Variants in EXOC6B observed in about 807,000 individuals in gnomAD.
EXOC6B encodes SEC15 homolog B.
In EXOC6B, 54 loss-of-function variants were observed where a neutral mutation model predicts 113.5. The ratio of observed to expected loss-of-function variants is 0.48; its 90% CI spans 0.38 to 0.60. The LOEUF is 0.60. Among genes scored for constraint, EXOC6B ranks in the 20% least tolerant of loss-of-function variants. The pLI is 0.00. For missense variants in EXOC6B, 797 were observed against 977.5 expected (o/e 0.82, Z 2.46); for synonymous variants, 357 against 339.0 (o/e 1.05, Z -0.58).
intron 1 of EXOC6B, among the ~76,000 whole-genome samples, chr2:72,810,895 A>G (rs1685875750): frequency 6.6e-6 from 1 of 152,102 alleles, no homozygotes; most frequent in Non-Finnish European, 1.5e-5. Context: ...CAAAAAGTAC[A>G]AAAAGTGGTG....
In EXOC6B at chr2:72,184,067, G is replaced by C. The variant is rs189615828; in HGVS notation, c.2309+8C>G. The C allele has an allele frequency of 2.4e-3, 3,544 of 1,483,166 alleles. 8 individuals carry two copies. Among genetic ancestry groups the C allele is most frequent in the Non-Finnish European group, 3.0e-3 (3,268 of 1,082,356 alleles). The allele number at this position is 1,483,166 out of a possible 1,614,324, so 91.9% of individuals were successfully genotyped here. Reference sequence around the variant, plus strand: ...CTCCCAACACAGACCATTGGACAAGGTACTCACTTCTCAAGCAGGGTCAGA... The same window carrying C: ...CTCCCAACACAGACCATTGGACAAGCTACTCACTTCTCAAGCAGGGTCAGA... On this transcript the variant is annotated splice_region_variant and intron_variant, in intron 21 of 21. Transcript: ENST00000272427.
chr2:72,403,603 A>C (rs2105181729), intron 18 of EXOC6B, among the ~76,000 whole-genome samples: 1 of 152,294 alleles, frequency 6.6e-6, no homozygotes, highest in East Asian at 1.9e-4. Context: ...CTGAGGTGGG[A>C]GGATGGCTTG....
Position 72,465,179 on chromosome 2 carries a change from G to A in EXOC6B, c.1961C>T (p.Ala654Val). 6.2e-7 allele frequency: 1 copy of A among 1,611,356 alleles called. No homozygotes were observed. Among genetic ancestry groups the A allele is most frequent in the Non-Finnish European group, 8.5e-7 (1 of 1,178,772 alleles). Reference sequence around the variant, plus strand: ...ACTTACAGGAAGGTGTGTGAATACAGCAAAGGTGCTACGAAGAAAGGCAAT... The same window carrying A: ...ACTTACAGGAAGGTGTGTGAATACAACAAAGGTGCTACGAAGAAAGGCAAT... ...DLIAFLRSTF[A>V]VFTHLPGKVA... The change falls in exon 18 of 22, where the codon GCT (alanine) becomes GTT (valine). Residue 654 changes from alanine (A) to valine (V), a missense_variant. By Grantham distance (64) the Ala-to-Val change is moderately conservative. Transcript: ENST00000272427.
intron 20 of EXOC6B, among the ~76,000 whole-genome samples, chr2:72,325,208 T>A (rs1347851636): frequency 6.6e-6 from 1 of 152,002 alleles, no homozygotes; most frequent in African/African-American, 2.4e-5. Context: ...TCTCTCACTC[T>A]CTCCACATTC....
intron 11 of EXOC6B, among the ~76,000 whole-genome samples, chr2:72,511,847 G>A (rs1700919564): frequency 2.0e-5 from 3 of 151,972 alleles, no homozygotes; most frequent in African/African-American, 4.8e-5. Context: ...ACTCTGTCTG[G>A]AACACCTGCT....
intron 6 of EXOC6B, among the ~76,000 whole-genome samples, chr2:72,633,804 G>A (rs961605265): frequency 6.6e-6 from 1 of 152,020 alleles, no homozygotes; most frequent in African/African-American, 2.4e-5. Context: ...ATAACTTAAA[G>A]TTTTCTGAGA....
chr2:72,408,187 T>C (rs554569240), intron 18 of EXOC6B, among the ~76,000 whole-genome samples: 139 of 152,238 alleles, frequency 9.1e-4, no homozygotes, highest in African/African-American at 3.2e-3. Context: ...CAAGGAGAAC[T>C]ACAAACCACT....
intron 5 of EXOC6B, among the ~76,000 whole-genome samples, chr2:72,728,847 T>C (rs537076937): frequency 4.2e-4 from 64 of 152,202 alleles, no homozygotes; most frequent in Non-Finnish European, 8.2e-4. Flanking sequence ...ACAGCACTTA[T>C]GATAATCACT....
Position 72,738,272 on chromosome 2 carries a change from C to T in EXOC6B, c.279+3032G>A, listed in dbSNP as rs1294861324. 2.0e-5 allele frequency among the ~76,000 whole-genome samples: 3 copies of T among 152,048 alleles called. No homozygotes were observed. The East Asian group carries it at 5.8e-4, about 29-fold the overall frequency. ...TTCAAACTATTCATGAGATTCTGGC[C>T]CTCTCCATTTCATTCCCCATATGAG... On this transcript the variant is annotated intron_variant, in intron 2 of 21. Transcript: ENST00000272427.
At chr2:72,323,693 G>T (rs551996659) in intron 20 of EXOC6B, among the ~76,000 whole-genome samples, 20 of 152,236 alleles carry the variant, frequency 1.3e-4, no homozygotes, top group Non-Finnish European at 2.6e-4. Context: ...CAGGGACATA[G>T]ATGAAGCTGA....
chr2:72,741,129 G>T (rs1420002058), intron 2 of EXOC6B, among the ~76,000 whole-genome samples, 175 bp downstream of exon 2: 1 of 151,858 alleles, frequency 6.6e-6, no homozygotes, highest in Non-Finnish European at 1.5e-5. Context: ...GGTGGGTATT[G>T]TTTTTAGCTA....
intron 18 of EXOC6B, chr2:72,461,657 A>ATAATT (rs1697687234): frequency 6.6e-6 from 1 of 152,016 alleles, no homozygotes; most frequent in African/African-American, 2.4e-5. Flanking sequence ...GTTACATCTG[A>ATAATT]ATATTATAAT....
intron 1 of EXOC6B, among the ~76,000 whole-genome samples, chr2:72,798,771 T>A (rs1395887182): frequency 6.6e-6 from 1 of 152,096 alleles, no homozygotes; most frequent in African/African-American, 2.4e-5. Context: ...ATGGAGAAGA[T>A]GATATGTATC....
intron 20 of EXOC6B, among the ~76,000 whole-genome samples, chr2:72,283,256 A>G (rs6709109): frequency 0.4 from 60,313 of 151,782 alleles, 16,652 homozygotes; most frequent in African/African-American, 0.79. Context: ...ACAGCTGCAG[A>G]GACTTCAGTT....
In EXOC6B at chr2:72,432,617, T is replaced by G. The variant is rs1695608077; in HGVS notation, c.1980+32543A>C. 2.0e-5 allele frequency among the ~76,000 whole-genome samples: 3 copies of G among 152,170 alleles called. 1 individual carries two copies. The highest frequency in any genetic ancestry group is 7.2e-5 in the African/African-American group (3 of 41,436). On this transcript the variant is annotated intron_variant, in intron 18 of 21. Transcript: ENST00000272427. ...TTCCTGACTTCTTAATGATCCCCATTCTAACTGGCATGAGATAGTATCTCA... is the reference window on the plus strand; with the variant it reads ...TTCCTGACTTCTTAATGATCCCCATGCTAACTGGCATGAGATAGTATCTCA...
At chr2:72,725,551 C>T (rs1264379478) in intron 5 of EXOC6B, among the ~76,000 whole-genome samples, 2 of 152,106 alleles carry the variant, frequency 1.3e-5, no homozygotes, top group East Asian at 3.9e-4. Context: ...ACCACCACAC[C>T]CGCCTCATTT....
At position 72,220,727 on chromosome 2, in the gene EXOC6B, G is replaced by A. The variant is rs934962695; in HGVS notation, c.2197-36540C>T. Among the ~76,000 whole-genome samples, 16 of 152,152 alleles carry A rather than the reference G, an allele frequency of 1.1e-4. 1 individual carries two copies. In the South Asian group the frequency reaches 2.9e-3, roughly 28 times the overall value. On this transcript the variant is annotated intron_variant, in intron 20 of 21. Coordinates refer to ENST00000272427, the MANE Select transcript of EXOC6B (RefSeq NM_015189.3). Reference sequence around the variant, plus strand: ...ATAAGAAAAAAAATCTCTAAAGAACGATGAAGACAAACTGTGCACGATACA... The same window carrying A: ...ATAAGAAAAAAAATCTCTAAAGAACAATGAAGACAAACTGTGCACGATACA...
intron 20 of EXOC6B, among the ~76,000 whole-genome samples, chr2:72,262,551 G>A (rs1683795020): frequency 6.6e-6 from 1 of 152,134 alleles, no homozygotes; most frequent in Non-Finnish European, 1.5e-5. Context: ...CTGAGTTGTG[G>A]TGGGGTGGGG....
At chr2:72,445,185 C>T (rs1696490346) in intron 18 of EXOC6B, among the ~76,000 whole-genome samples, 1 of 152,202 alleles carries the variant, frequency 6.6e-6, no homozygotes, top group Non-Finnish European at 1.5e-5. Flanking sequence ...CCACCAGTCT[C>T]TTTGCTAAAA....
Sources: allele counts gnomAD v4.1 joint callset (sites outside exome capture counted in the v4.1 genomes callset), GRCh38; gene constraint gnomAD v4.1.1; transcripts MANE v1.5; gene names NCBI Gene and HGNC (gene_info 2026-07-23, HGNC 2026-07-21).